KIRREL3: variants seen among roughly 807,000 people sequenced by gnomAD.
The protein encoded by KIRREL3 is kin of IRRE-like protein 3.
KIRREL3 carries 36 observed loss-of-function variants against 89.7 expected under a neutral mutation model. The ratio of observed to expected loss-of-function variants is 0.40; its 90% CI spans 0.31 to 0.53. KIRREL3 has a LOEUF of 0.53. Ranked by LOEUF, KIRREL3 falls within the 20% of genes least tolerant of loss-of-function variation. The pLI is 0.49. For synonymous variants in KIRREL3, 445 were observed against 441.4 expected, an observed-to-expected ratio of 1.01 and a Z score of -0.10; for missense variants, 864 against 1,056.6, an observed-to-expected ratio of 0.82 and a Z score of 2.53.
chr11:126,672,262 AG>A (rs1945986007), intron 1 of KIRREL3, among the ~76,000 whole-genome samples: 1 of 152,224 alleles, frequency 6.6e-6, no homozygotes, highest in South Asian at 2.1e-4. Flanking sequence ...ATATGAGACT[AG>A]TGTGTATATA....
At chr11:126,726,359 A>G (rs1166489352) in intron 1 of KIRREL3, among the ~76,000 whole-genome samples, 1 of 151,608 alleles carries the variant, frequency 6.6e-6, no homozygotes, top group African/African-American at 2.4e-5. Context: ...AGTCTGAACT[A>G]CACAAGATGC....
intron 2 of KIRREL3, among the ~76,000 whole-genome samples, chr11:126,542,734 A>T (rs572089370): frequency 1.8e-4 from 28 of 152,330 alleles, no homozygotes; most frequent in African/African-American, 6.7e-4. Context: ...GACCTTATGC[A>T]AATAAGAGTA....
At chr11:126,806,027 A>G (rs980019502) in intron 1 of KIRREL3, among the ~76,000 whole-genome samples, 2 of 152,214 alleles carry the variant, frequency 1.3e-5, no homozygotes, top group African/African-American at 2.4e-5. Flanking sequence ...TCACCTGTCA[A>G]ATTAAATGCC....
intron 1 of KIRREL3, among the ~76,000 whole-genome samples, chr11:126,864,403 G>A (rs976662831): frequency 6.6e-6 from 1 of 152,202 alleles, no homozygotes; most frequent in Non-Finnish European, 1.5e-5. Context: ...GGACCAGGAG[G>A]GCTGCACAGC....
At chr11:126,690,791 A>C (rs2135131110) in intron 1 of KIRREL3, among the ~76,000 whole-genome samples, 2 of 152,344 alleles carry the variant, frequency 1.3e-5, no homozygotes, top group South Asian at 4.1e-4. Context: ...TCGTGAATAC[A>C]AGTGCACCTT....
rs1242439359 is a variant in KIRREL3 at position 126,611,984 on chromosome 11, C to T, written c.56-49072G>A. Among the ~76,000 whole-genome samples, 4 of 152,196 alleles carry T rather than the reference C, an allele frequency of 2.6e-5. No homozygotes were observed. Among genetic ancestry groups the T allele is most frequent in the African/African-American group, 9.7e-5 (4 of 41,444 alleles). On this transcript the variant is annotated intron_variant, in intron 1 of 16. Transcript: ENST00000525144. The surrounding 1 kb of genome is among the most constrained non-coding windows in gnomAD (Gnocchi z 4.7). ...TGTTGCCCCTTGGAGCCCACCTCCT[C>T]AAGCAAGCCTCCCAGCCCAGTCAGC...
At chr11:126,507,787 A>T (rs771668902) in intron 4 of KIRREL3, among the ~76,000 whole-genome samples, 2 of 152,176 alleles carry the variant, frequency 1.3e-5, no homozygotes, top group African/African-American at 4.8e-5. Flanking sequence ...TGCCCAGGCC[A>T]TGTTGGCATT....
intron 1 of KIRREL3, among the ~76,000 whole-genome samples, chr11:126,858,371 T>C (rs1944601204): frequency 6.6e-6 from 1 of 152,140 alleles, no homozygotes; most frequent in Non-Finnish European, 1.5e-5. Context: ...TCATAAATAC[T>C]GAGAAGGGTG....
chr11:126,846,053 G>A (rs577436394), intron 1 of KIRREL3, among the ~76,000 whole-genome samples: 7 of 152,296 alleles, frequency 4.6e-5, no homozygotes, highest in Admixed American at 3.9e-4. Flanking sequence ...GTTTTGCATT[G>A]TGTTATCTGA....
intron 1 of KIRREL3, among the ~76,000 whole-genome samples, chr11:126,922,708 G>A: frequency 6.7e-6 from 1 of 150,294 alleles, no homozygotes; most frequent in East Asian, 1.9e-4. Context: ...AGCAGCAGGA[G>A]CAGCAGCAAC....
At chr11:126,922,840 A>C (rs1947408623) in intron 1 of KIRREL3, among the ~76,000 whole-genome samples, 2 of 152,102 alleles carry the variant, frequency 1.3e-5, no homozygotes, top group Admixed American at 1.3e-4. Context: ...TCCCGGACTC[A>C]TTTCTTACCC....
intron 5 of KIRREL3, among the ~76,000 whole-genome samples, chr11:126,464,571 G>C (rs140646646): frequency 6.6e-6 from 1 of 150,936 alleles, no homozygotes; most frequent in East Asian, 2.0e-4. Context: ...AGAAGGAGAA[G>C]GATAAAGAGA....
intron 1 of KIRREL3, chr11:126,935,816 C>A (rs953471433): frequency 6.6e-6 from 1 of 152,172 alleles, no homozygotes; most frequent in Non-Finnish European, 1.5e-5. Flanking sequence ...AGTCATTATA[C>A]ATGTGTTCAA....
chr11:126,982,548 A>T (rs1020493174), intron 1 of KIRREL3, among the ~76,000 whole-genome samples: 1 of 152,196 alleles, frequency 6.6e-6, no homozygotes, highest in South Asian at 2.1e-4. Flanking sequence ...TTATAATCGT[A>T]TCTCTCCTTT....
rs1941153796 is a variant in KIRREL3, at chr11:126,574,602, G to A, written c.56-11690C>T. Among the ~76,000 whole-genome samples, 1 of 152,192 alleles carries A rather than the reference G, an allele frequency of 6.6e-6. No individual in the cohort carries two copies. The highest frequency in any genetic ancestry group is 2.4e-5 in the African/African-American group (1 of 41,446). ...ACGTCAATAGCTGAGCCCCAGAGAA[G>A]TGACCCCTTTTGGGGTTATCCAATC... On this transcript the variant is annotated intron_variant, in intron 1 of 16. Transcript: ENST00000525144. The surrounding 1 kb of genome is among the most constrained non-coding windows in gnomAD (Gnocchi z 5.3).
rs1448429958 is a variant in KIRREL3, at chr11:126,537,964, G to T, written c.134-11277C>A. Among the ~76,000 whole-genome samples, 1 of 152,146 alleles carries T rather than the reference G, an allele frequency of 6.6e-6. No individual in the cohort carries two copies. The highest frequency in any genetic ancestry group is 2.4e-5 in the African/African-American group (1 of 41,430). On this transcript the variant is annotated intron_variant, in intron 2 of 16. Coordinates refer to ENST00000525144, the MANE Select transcript of KIRREL3 (RefSeq NM_032531.4). This position sits in a 1 kb window ranked among gnomAD's most constrained non-coding sequence, Gnocchi z 4.3. ...CCCATTAGAATGCTGCATGGGTGGT[G>T]CAGGAGACAGTGGGTGAGCCCTCCC...
In KIRREL3 at chr11:126,656,507, T is replaced by C. The variant is rs1945144071; in HGVS notation, c.56-93595A>G. The stretch of plus-strand genomic sequence containing the variant: ...TCACGTGGAATCTCAACATACAAAA[T>C]TGGCATAAGTGGGGGATAAGGCAGC... On this transcript the variant is annotated intron_variant, in intron 1 of 16. Transcript: ENST00000525144. This position sits in a 1 kb window ranked among gnomAD's most constrained non-coding sequence, Gnocchi z 4.0. Among the ~76,000 whole-genome samples, 1 of 152,126 alleles carries C rather than the reference T, an allele frequency of 6.6e-6. No homozygotes were observed.
At chr11:126,529,485 G>A (rs1958872189) in intron 2 of KIRREL3, among the ~76,000 whole-genome samples, 1 of 152,026 alleles carries the variant, frequency 6.6e-6, no homozygotes, top group Non-Finnish European at 1.5e-5. Context: ...GCCTTTTGAG[G>A]GGGAGCATCT....
At chr11:126,461,328 G>A (rs550979023) in intron 6 of KIRREL3, among the ~76,000 whole-genome samples, 1 of 152,362 alleles carries the variant, frequency 6.6e-6, no homozygotes, top group African/African-American at 2.4e-5. Flanking sequence ...GGGCCAGTGA[G>A]GGGGAAGAGC....
Sources: allele counts gnomAD v4.1 joint callset (sites outside exome capture counted in the v4.1 genomes callset), GRCh38; gene constraint gnomAD v4.1.1; non-coding constraint Gnocchi (gnomAD v3.1); transcripts MANE v1.5; gene names NCBI Gene and HGNC (gene_info 2026-07-23, HGNC 2026-07-21).